Variants in REPS1 observed in about 807,000 individuals in gnomAD.
REPS1 encodes ralBP1-associated Eps domain-containing protein 1.
REPS1 carries 39 observed loss-of-function variants against 100.9 expected under a neutral mutation model. The observed-to-expected ratio is 0.39, with a 90% CI of 0.30 to 0.50. REPS1 has a LOEUF of 0.50. REPS1 is among the 20% of genes least tolerant of loss of function. The pLI is 0.86. For synonymous variants in REPS1, 324 were observed against 340.3 expected, an observed-to-expected ratio of 0.95 and a Z score of 0.53; for missense variants, 821 against 968.5, an observed-to-expected ratio of 0.85 and a Z score of 2.02.
At position 138,979,001 on chromosome 6, in the gene REPS1, T is replaced by C. The variant is rs375972631; in HGVS notation, c.153+8529A>G. On this transcript the variant is annotated intron_variant, in intron 1 of 19. Transcript: ENST00000450536. ...TTCGAGACCAGCCTGGCCAACATGG[T>C]GAAACCCTGTCTCTACTAAGAAGAC... Among the ~76,000 whole-genome samples, 3 of 151,632 alleles carry C rather than the reference T, an allele frequency of 2.0e-5. 1 individual carries two copies.
rs1026266892 is a variant in REPS1 at position 138,941,507 on chromosome 6, T to C, written c.981-18A>G. Reference sequence around the variant, plus strand: ...AGAGTTCCCTAGAAGATAAGTTTATTGTGAATATAATCACATTCCGCTTTG... The same window carrying C: ...AGAGTTCCCTAGAAGATAAGTTTATCGTGAATATAATCACATTCCGCTTTG... On this transcript the variant is annotated intron_variant, in intron 7 of 19. Transcript: ENST00000450536. 1 of 1,608,004 alleles carries C rather than the reference T, an allele frequency of 6.2e-7. No homozygotes were observed. The highest frequency in any genetic ancestry group is 8.5e-7 in the Non-Finnish European group (1 of 1,175,434).
intron 1 of REPS1, among the ~76,000 whole-genome samples, chr6:138,963,609 T>C (rs1562558465): frequency 6.6e-6 from 1 of 152,208 alleles, no homozygotes; most frequent in Non-Finnish European, 1.5e-5. Context: ...TTTGTCCAAG[T>C]GGTTTTGATT....
intron 12 of REPS1, among the ~76,000 whole-genome samples, chr6:138,919,901 T>C (rs763131442): frequency 2.0e-4 from 30 of 152,214 alleles, no homozygotes; most frequent in Non-Finnish European, 4.4e-4. Context: ...GATCCTGGCA[T>C]ACTGTATCCA....
At chr6:138,945,136 A>C in intron 4 of REPS1, 83 bp downstream of exon 4, 1 of 1,236,852 alleles carries the variant, frequency 8.1e-7, no homozygotes, top group Non-Finnish European at 1.1e-6. Flanking sequence ...CAGGAGGCTG[A>C]GGCAGGAGGA....
At chr6:138,986,576 A>G (rs998619543) in intron 1 of REPS1, among the ~76,000 whole-genome samples, 3 of 152,232 alleles carry the variant, frequency 2.0e-5, no homozygotes, top group African/African-American at 7.2e-5. Context: ...AGTCCACTAC[A>G]TACACCTATA....
rs71013004 is a variant in REPS1, at chr6:138,969,269, A to ATTTTTT, written c.153+18255_153+18260dup. On this transcript the variant is annotated intron_variant, in intron 1 of 19. Coordinates refer to ENST00000450536, the MANE Select transcript of REPS1 (RefSeq NM_001286611.2). ...ACACAATCTATGATACAAAGCTGTA[A>ATTTTTT]TTTTTTTTTTTTTTTTTTTTTTTTT... Among the ~76,000 whole-genome samples, 63 of 74,242 alleles carry ATTTTTT rather than the reference A, an allele frequency of 8.5e-4. 4 individuals are homozygous for ATTTTTT. Among genetic ancestry groups the ATTTTTT allele is most frequent in the African/African-American group, 2.0e-3 (42 of 20,890 alleles). The allele number at this position is 74,242 out of a possible 152,430, so 48.7% of individuals were successfully genotyped here. A position where few individuals can be genotyped will look rare whatever the true frequency, so the allele number is the denominator to read the frequency against.
At chr6:138,956,531 G>C (rs1783402499) in intron 1 of REPS1, among the ~76,000 whole-genome samples, 1 of 151,354 alleles carries the variant, frequency 6.6e-6, no homozygotes, top group African/African-American at 2.4e-5. Context: ...AGAAAAACTA[G>C]GACAGCTGGT....
intron 8 of REPS1, among the ~76,000 whole-genome samples, chr6:138,940,105 T>C (rs1259304379): frequency 2.0e-5 from 3 of 152,196 alleles, no homozygotes; most frequent in African/African-American, 7.2e-5. Context: ...CACATTCAGA[T>C]TACTGACTCC....
chr6:138,968,298 C>CA (rs1784126102), intron 1 of REPS1, among the ~76,000 whole-genome samples: 1 of 152,152 alleles, frequency 6.6e-6, no homozygotes, highest in South Asian at 2.1e-4. Context: ...ATAAAAGTGA[C>CA]AATGATGAAA....
chr6:138,941,217 C>T lies in REPS1; in HGVS notation c.1135+118G>A, dbSNP rs529548110. On this transcript the variant is annotated intron_variant, in intron 8 of 19. Transcript: ENST00000450536. ...TATTCTGATGACAAATCTATGTACA[C>T]TTGATGAAATATCTAAGCTATTAAG... The T allele has an allele frequency of 5.8e-4, 631 of 1,080,004 alleles. 11 individuals are homozygous for T. In the South Asian group the frequency reaches 9.0e-3, roughly 15 times the overall value. 66.9% of individuals were successfully genotyped at this position (1,080,004 alleles called of 1,614,324 possible).
chr6:138,931,759 T>A (rs1781497988), intron 8 of REPS1, among the ~76,000 whole-genome samples: 1 of 149,060 alleles, frequency 6.7e-6, no homozygotes, highest in Non-Finnish European at 1.5e-5. Context: ...ATTGGATAGT[T>A]TTCATTGGGA....
intron 8 of REPS1, among the ~76,000 whole-genome samples, chr6:138,932,608 C>A (rs1781554695): frequency 6.6e-6 from 1 of 152,162 alleles, no homozygotes; most frequent in African/African-American, 2.4e-5. Flanking sequence ...GAAATACATA[C>A]ACACAGCATT....
At chr6:138,936,799 C>A (rs916233842) in intron 8 of REPS1, among the ~76,000 whole-genome samples, 2 of 152,268 alleles carry the variant, frequency 1.3e-5, no homozygotes, top group South Asian at 2.1e-4. Context: ...ATGTTCACTG[C>A]AGCAGTGTTT....
intron 1 of REPS1, among the ~76,000 whole-genome samples, chr6:138,977,507 A>T (rs564413380): frequency 6.6e-6 from 1 of 152,306 alleles, no homozygotes; most frequent in South Asian, 2.1e-4. Context: ...AGCTAATATT[A>T]TTTATTAATT....
chr6:138,950,179 A>G (rs1265177974), intron 1 of REPS1, among the ~76,000 whole-genome samples: 1 of 152,132 alleles, frequency 6.6e-6, no homozygotes, highest in East Asian at 1.9e-4. Context: ...CCTCCTCAAT[A>G]GTTAACTATT....
At chr6:138,961,561 A>G (rs1275106003) in intron 1 of REPS1, among the ~76,000 whole-genome samples, 3 of 152,212 alleles carry the variant, frequency 2.0e-5, no homozygotes, top group African/African-American at 7.2e-5. Context: ...CCAGCATACA[A>G]TATTAGCACA....
chr6:138,904,483 T>C lies in REPS1; in HGVS notation c.*581A>G, dbSNP rs1165122614. The stretch of plus-strand genomic sequence containing the variant: ...TGATCACATTTCCACAAGGAAAATA[T>C]AAAATCTCACATGTTTGTATTTGTC... On this transcript the variant is annotated 3_prime_UTR_variant, in exon 20 of 20. Coordinates refer to ENST00000450536, the MANE Select transcript of REPS1 (RefSeq NM_001286611.2). 1 of 152,226 alleles carries C rather than the reference T, an allele frequency of 6.6e-6. No homozygotes were observed. The highest frequency in any genetic ancestry group is 2.4e-5 in the African/African-American group (1 of 41,462). 9.4% of individuals were successfully genotyped at this position (152,226 alleles called of 1,614,324 possible). A position where few individuals can be genotyped will look rare whatever the true frequency, so the allele number is the denominator to read the frequency against.
At position 138,904,191 on chromosome 6, in the gene REPS1, C is replaced by CTAAAACAAAATCTAAA. The variant is rs1779502721; in HGVS notation, c.*872_*873insTTTAGATTTTGTTTTA. The stretch of plus-strand genomic sequence containing the variant: ...TAATATTAAACAAAATCTAAAACAG[C>CTAAAACAAAATCTAAA]ATATTGTCCTGAATAAGGCATACTC... On this transcript the variant is annotated 3_prime_UTR_variant, in exon 20 of 20. Coordinates refer to ENST00000450536, the MANE Select transcript of REPS1 (RefSeq NM_001286611.2). 6.6e-6 allele frequency: 1 copy of CTAAAACAAAATCTAAA among 152,064 alleles called. No individual in the cohort carries two copies. The allele number at this position is 152,064 out of a possible 1,614,324, so 9.4% of individuals were successfully genotyped here.
At chr6:138,966,829 T>C (rs1582840289) in intron 1 of REPS1, among the ~76,000 whole-genome samples, 1 of 152,214 alleles carries the variant, frequency 6.6e-6, no homozygotes, top group African/African-American at 2.4e-5. Context: ...TCCCTTCTAA[T>C]ACAAATATCA....
Sources: allele counts gnomAD v4.1 joint callset (sites outside exome capture counted in the v4.1 genomes callset), GRCh38; gene constraint gnomAD v4.1.1; transcripts MANE v1.5; gene names NCBI Gene and HGNC (gene_info 2026-07-23, HGNC 2026-07-21).